Variants in FRMD4B observed in about 807,000 individuals in gnomAD.
FRMD4B encodes the protein FERM domain containing 4B, also known as FERM domain-containing protein 4B.
A neutral mutation model predicts 141.5 loss-of-function variants in FRMD4B; 74 were observed. That is an observed-to-expected ratio of 0.52 (90% CI 0.43 to 0.63). The LOEUF is 0.63. Among genes scored for constraint, FRMD4B ranks in the 30% least tolerant of loss-of-function variants. The pLI is 0.00. For missense variants in FRMD4B, 1,366 were observed against 1,253.4 expected, an observed-to-expected ratio of 1.09 and a Z score of -1.36; for synonymous variants, 506 against 467.9, an observed-to-expected ratio of 1.08 and a Z score of -1.05.
At chr3:69,176,273 T>C (rs2092644996) in intron 22 of FRMD4B, among the ~76,000 whole-genome samples, 1 of 152,210 alleles carries the variant, frequency 6.6e-6, no homozygotes, top group African/African-American at 2.4e-5. Flanking sequence ...TGGCCAGATA[T>C]TTTTGGCTTT....
chr3:69,217,656 G>A (rs1012857854), intron 10 of FRMD4B, among the ~76,000 whole-genome samples: 22 of 152,004 alleles, frequency 1.4e-4, no homozygotes, highest in Admixed American at 2.0e-4. Context: ...AATTGGTACC[G>A]ATTTTTAGCA....
chr3:69,380,695 G>T (rs1704094327), intron 1 of FRMD4B, among the ~76,000 whole-genome samples: 1 of 152,176 alleles, frequency 6.6e-6, no homozygotes, highest in Non-Finnish European at 1.5e-5. Context: ...ACAGCTACCT[G>T]CCTCAGGGGA....
chr3:69,267,370 C>A (rs190623244), intron 5 of FRMD4B, among the ~76,000 whole-genome samples: 1 of 152,000 alleles, frequency 6.6e-6, no homozygotes, highest in African/African-American at 2.4e-5. Context: ...GCTCTAGGAC[C>A]AGAAAAGGGT....
At chr3:69,238,795 CAACAAA>C (rs2093363113) in intron 7 of FRMD4B, among the ~76,000 whole-genome samples, 1 of 152,098 alleles carries the variant, frequency 6.6e-6, no homozygotes, top group Admixed American at 6.6e-5. Flanking sequence ...AAAACAACAA[CAACAAA>C]AATGTTCCTT....
At chr3:69,244,992 C>T (rs1351968332) in intron 7 of FRMD4B, among the ~76,000 whole-genome samples, 2 of 152,020 alleles carry the variant, frequency 1.3e-5, no homozygotes. Flanking sequence ...ATATGGGAAA[C>T]AAGTAATATT....
Position 69,385,934 on chromosome 3 carries a change from A to C in FRMD4B, c.56T>G (p.Phe19Cys). The C allele has an allele frequency of 6.2e-7, 1 of 1,604,842 alleles. No homozygotes were observed. Among genetic ancestry groups the C allele is most frequent in the East Asian group, 2.2e-5 (1 of 44,470 alleles). The change falls in exon 1 of 23, where the codon TTC becomes TGC. Residue 19 changes from phenylalanine to cysteine, a missense_variant. Coordinates refer to ENST00000398540, the MANE Select transcript of FRMD4B (RefSeq NM_015123.3). ...VEDLLFSGSRFVWNLTVSTLR... is the reference protein window; with the variant it reads ...VEDLLFSGSRCVWNLTVSTLR... ...CGTGGACACGGTCAAGTTCCATACG[A>C]AGCGGCTGCCGCTGAACAGCAGGTC...
chr3:69,352,413 A>T (rs147787045), intron 1 of FRMD4B, among the ~76,000 whole-genome samples: 1 of 152,292 alleles, frequency 6.6e-6, no homozygotes, highest in East Asian at 1.9e-4. Context: ...GTACTATTCC[A>T]GTTCCTATTG....
intron 4 of FRMD4B, among the ~76,000 whole-genome samples, chr3:69,291,910 C>CT (rs35703345): frequency 0.053 from 5,623 of 105,282 alleles, 196 homozygotes; most frequent in African/African-American, 0.11. Context: ...ACAGGAATCT[C>CT]TTTTTTTTTT....
rs1378183640 is a variant in FRMD4B at position 69,216,300 on chromosome 3, C to A, written c.839G>T (p.Gly280Val). ...WWLGISYKGIGQYDIQDKVKP... is the reference protein window; with the variant it reads ...WWLGISYKGIVQYDIQDKVKP... ...CACCTTGTCTTGTATATCATATTGG[C>A]CAATTCCCTTATAGCTTATTCCAAG... Residue 280 changes from glycine (G) to valine (V), a missense_variant, in exon 11 of 23, where the codon GGC (glycine) becomes GTC (valine). Gly to Val is a moderately radical substitution (Grantham distance 109). Transcript: ENST00000398540. The A allele has an allele frequency of 2.5e-6, 4 of 1,579,416 alleles. No homozygotes were observed. In the Admixed American group the frequency reaches 7.1e-5, roughly 28 times the overall value.
rs1347207655 is a variant in FRMD4B, at chr3:69,409,722, T to A, written c.-1+22912A>T. On this transcript the variant is annotated intron_variant, in intron 2 of 5. Coordinates refer to the FRMD4B transcript ENST00000459638. ...ATCTCAGGGCTATTGCTTGGAAATCTAGGATAAAGGTACCCTCTCTTCTCT... is the reference window on the plus strand; with the variant it reads ...ATCTCAGGGCTATTGCTTGGAAATCAAGGATAAAGGTACCCTCTCTTCTCT... 2.0e-5 allele frequency among the ~76,000 whole-genome samples: 3 copies of A among 152,138 alleles called. No individual in the cohort carries two copies. The East Asian group carries it at 5.8e-4, about 29-fold the overall frequency.
intron 1 of FRMD4B, among the ~76,000 whole-genome samples, chr3:69,456,102 C>T (rs888074233): frequency 6.6e-6 from 1 of 152,178 alleles, no homozygotes; most frequent in Non-Finnish European, 1.5e-5. Flanking sequence ...CTTTCCATCA[C>T]TTATATAGGG....
At chr3:69,338,200 C>A (rs963033660) in intron 1 of FRMD4B, among the ~76,000 whole-genome samples, 3 of 152,044 alleles carry the variant, frequency 2.0e-5, no homozygotes, top group Non-Finnish European at 4.4e-5. Flanking sequence ...AGCAAACTAT[C>A]GCAAGGACAA....
At chr3:69,229,770 C>G (rs766441624) in intron 7 of FRMD4B, among the ~76,000 whole-genome samples, 8 of 152,108 alleles carry the variant, frequency 5.3e-5, no homozygotes, top group African/African-American at 1.7e-4. Context: ...TGCAGTCGTG[C>G]GATCTTGTTT....
At chr3:69,273,366 T>C (rs1270021774) in intron 5 of FRMD4B, among the ~76,000 whole-genome samples, 1 of 152,188 alleles carries the variant, frequency 6.6e-6, no homozygotes, top group African/African-American at 2.4e-5. Context: ...AAAAGACACT[T>C]AGAGCAAGGA....
rs377639551 is a variant in FRMD4B at position 69,362,024 on chromosome 3, T to C, written c.162+23804A>G. On this transcript the variant is annotated intron_variant, in intron 1 of 22. Transcript: ENST00000398540. ...CCAAAATGTGGTATTATAGGTCTTCTTAATTTTAGTTATTTTAGTGACTGT... is the reference window on the plus strand; with the variant it reads ...CCAAAATGTGGTATTATAGGTCTTCCTAATTTTAGTTATTTTAGTGACTGT... 7.2e-5 allele frequency among the ~76,000 whole-genome samples: 11 copies of C among 152,334 alleles called. No individual in the cohort carries two copies. In the East Asian group the frequency reaches 1.3e-3, roughly 19 times the overall value.
chr3:69,246,548 G>T (rs906366995), intron 7 of FRMD4B, among the ~76,000 whole-genome samples: 1 of 152,158 alleles, frequency 6.6e-6, no homozygotes, highest in Non-Finnish European at 1.5e-5. Flanking sequence ...CTATTCAGGG[G>T]AGAAGATCAG....
intron 1 of FRMD4B, among the ~76,000 whole-genome samples, chr3:69,327,435 A>T (rs532749340): frequency 6.6e-6 from 1 of 152,350 alleles, no homozygotes; most frequent in Non-Finnish European, 1.5e-5. Context: ...AACAAATCAC[A>T]TACATCGTCC....
intron 2 of FRMD4B, 131 bp from the exon 3 acceptor site, chr3:69,311,488 G>A (rs1477266390): frequency 1.7e-6 from 1 of 591,006 alleles, no homozygotes; most frequent in East Asian, 2.8e-5. Flanking sequence ...GCCCTTGTTT[G>A]TGGATTAGGT....
intron 4 of FRMD4B, among the ~76,000 whole-genome samples, chr3:69,300,141 T>C (rs1014734585): frequency 6.6e-6 from 1 of 152,170 alleles, no homozygotes; most frequent in African/African-American, 2.4e-5. Context: ...GACAACCCCA[T>C]TTGCAAGACC....
Sources: gnomAD v4.1 joint callset for allele counts (sites outside exome capture counted in the v4.1 genomes callset) on GRCh38, gnomAD v4.1.1 for gene constraint, MANE v1.5 for transcripts, NCBI Gene and HGNC (gene_info 2026-07-23, HGNC 2026-07-21) for gene names.